ATP6V1B1: variants seen among roughly 807,000 people sequenced by gnomAD.
ATP6V1B1 encodes ATPase H+ transporting V1 subunit B1, also known as V-type proton ATPase subunit B, kidney isoform.
ATP6V1B1 carries 41 observed loss-of-function variants against 62.1 expected under a neutral mutation model. The ratio of observed to expected loss-of-function variants is 0.66; its 90% CI spans 0.51 to 0.86. The LOEUF is 0.86. Among genes scored for constraint, ATP6V1B1 ranks in the 40% least tolerant of loss-of-function variants. The pLI is 0.00. For missense variants in ATP6V1B1, 651 were observed against 697.5 expected (o/e 0.93, Z 0.75); for synonymous variants, 253 against 273.4 (o/e 0.93, Z 0.74).
At chr2:70,941,919 C>T in intron 1 of ATP6V1B1, 1 of 990,812 alleles carries the variant, frequency 1.0e-6, no homozygotes, top group Non-Finnish European at 1.2e-6. Flanking sequence ...GCCACTGAAG[C>T]CAGAGTGGAG....
rs782554600 is a variant in ATP6V1B1 at position 70,964,522 on chromosome 2, G to C, written c.1228G>C (p.Gly410Arg). ...IGEGMTRKDH[G>R]DVSNQLYACY... ...GGAAGGCATGACAAGAAAGGACCATGGAGATGTCTCCAACCAGCTGGTAAG... is the reference window on the plus strand; with the variant it reads ...GGAAGGCATGACAAGAAAGGACCATCGAGATGTCTCCAACCAGCTGGTAAG... Residue 410 changes from glycine to arginine, a missense_variant, in exon 12 of 14, where the codon GGA (glycine) becomes CGA (arginine). Gly to Arg is a moderately radical substitution (Grantham distance 125, BLOSUM62 -2). Transcript: ENST00000234396. 2.6e-5 allele frequency: 42 copies of C among 1,614,074 alleles called. No homozygotes were observed. Among genetic ancestry groups the C allele is most frequent in the Admixed American group, 3.3e-5 (2 of 60,010 alleles).
rs914046237 is a variant in ATP6V1B1, at chr2:70,961,521, G to T, written c.688-75G>T. 3.3e-5 allele frequency: 49 copies of T among 1,474,360 alleles called. No individual in the cohort carries two copies. The African/African-American group carries it at 5.8e-4, about 18-fold the overall frequency. 91.3% of individuals were successfully genotyped at this position (1,474,360 alleles called of 1,614,324 possible). A position where few individuals can be genotyped will look rare whatever the true frequency, so the allele number is the denominator to read the frequency against. ...CTGGTCAGTCCACAGGCTTTCCTGA[G>T]GACACCTGGGAGGGGCCAGGCCTTG... On this transcript the variant is annotated intron_variant, in intron 7 of 13. Transcript: ENST00000234396.
intron 1 of ATP6V1B1, chr2:70,938,538 G>A (rs782337005): frequency 4.1e-6 from 4 of 985,108 alleles, no homozygotes; most frequent in Non-Finnish European, 4.8e-6. Context: ...TCCCCCGGGG[G>A]AGGTGGGCTA....
chr2:70,958,042 C>T lies in ATP6V1B1; in HGVS notation c.175-4C>T, dbSNP rs782511029. 4 of 1,613,494 alleles carry T rather than the reference C, an allele frequency of 2.5e-6. No individual in the cohort carries two copies. Among genetic ancestry groups the T allele is most frequent in the Middle Eastern group, 1.7e-4 (1 of 6,058 alleles). ...GTCACGTGGCTGCTCTCCCCTCCTG[C>T]CAGTTTGCCCAGTATGCGGAGATCG... On this transcript the variant is annotated splice_polypyrimidine_tract_variant and splice_region_variant and intron_variant, in intron 2 of 13. Transcript: ENST00000234396.
At chr2:70,964,906 C>T (rs782367895) in intron 13 of ATP6V1B1, 41 bp downstream of exon 13, 17 of 1,613,916 alleles carry the variant, frequency 1.1e-5, no homozygotes, top group Non-Finnish European at 1.4e-5. Context: ...ACCTCTTCAC[C>T]CTCCTTCCGC....
intron 11 of ATP6V1B1, chr2:70,964,114 ATTTTTTTTTTTT>A: frequency 8.1e-6 from 1 of 123,588 alleles, no homozygotes; most frequent in Non-Finnish European, 1.3e-5. Context: ...CTTGGCAGGT[ATTTTTTTTTTTT>A]TTTTTTTTTT....
In ATP6V1B1 at chr2:70,963,776, C is replaced by G. The variant is rs528175444; in HGVS notation, c.1143+122C>G. On this transcript the variant is annotated intron_variant, in intron 11 of 13. Transcript: ENST00000234396. The surrounding 1 kb of genome is among the most constrained non-coding windows in gnomAD (Gnocchi z 4.3). ...GCCAAAGCGAACCCCAAACAGGAGA[C>G]AGCCACAGGGAAGACTGCATGGTTC... 9.5e-7 allele frequency: 1 copy of G among 1,050,474 alleles called. No individual in the cohort carries two copies. Among genetic ancestry groups the G allele is most frequent in the South Asian group, 1.3e-5 (1 of 74,906 alleles). 65.1% of individuals were successfully genotyped at this position (1,050,474 alleles called of 1,614,324 possible). A position where few individuals can be genotyped will look rare whatever the true frequency, so the allele number is the denominator to read the frequency against.
At chr2:70,952,786 G>A (rs998654603) in intron 2 of ATP6V1B1, among the ~76,000 whole-genome samples, 43 of 152,068 alleles carry the variant, frequency 2.8e-4, no homozygotes, top group Non-Finnish European at 5.0e-4. Flanking sequence ...TTGGGAATTG[G>A]GGGCTTTCTA....
intron 2 of ATP6V1B1, among the ~76,000 whole-genome samples, chr2:70,945,226 C>T (rs13400501): frequency 9.9e-5 from 15 of 152,188 alleles, no homozygotes; most frequent in Non-Finnish European, 1.9e-4. Flanking sequence ...TTTTGAGATA[C>T]CTGCAACGAC....
intron 1 of ATP6V1B1, chr2:70,942,120 C>A: frequency 1.1e-6 from 1 of 880,026 alleles, no homozygotes; most frequent in Non-Finnish European, 1.5e-6. Flanking sequence ...GGTCCTTCAC[C>A]CCATGGAGTC....
intron 4 of ATP6V1B1, 120 bp from the exon 5 acceptor site, chr2:70,958,898 G>T: frequency 1.1e-6 from 1 of 937,610 alleles, no homozygotes; most frequent in South Asian, 1.4e-5. Context: ...TGCCGGGGAG[G>T]GGGATACAGG....
At chr2:70,948,917 C>T (rs1402091426) in intron 2 of ATP6V1B1, among the ~76,000 whole-genome samples, 2 of 152,162 alleles carry the variant, frequency 1.3e-5, no homozygotes, top group Admixed American at 1.3e-4. Context: ...GAATTGGACC[C>T]TCCGCCCCAA....
intron 2 of ATP6V1B1, among the ~76,000 whole-genome samples, chr2:70,944,727 G>GGC (rs1416702083): frequency 6.8e-6 from 1 of 146,996 alleles, no homozygotes; most frequent in East Asian, 2.1e-4. Flanking sequence ...GGAGTGCAGT[G>GGC]GCGCAATCTC....
In ATP6V1B1 at chr2:70,938,574, T is replaced by C. The variant is rs1679913283; in HGVS notation, c.118+2502T>C. On this transcript the variant is annotated intron_variant, in intron 1 of 13. Coordinates refer to ENST00000234396, the MANE Select transcript of ATP6V1B1 (RefSeq NM_001692.4). ...AAGAGGCCTGAGACTTTAAGGCTGATTTCACTGCAGTGGCTGAGAGAGGAT... is the reference window on the plus strand; with the variant it reads ...AAGAGGCCTGAGACTTTAAGGCTGACTTCACTGCAGTGGCTGAGAGAGGAT... 8.1e-6 allele frequency: 8 copies of C among 985,106 alleles called. No individual in the cohort carries two copies. In the South Asian group the frequency reaches 1.4e-4, roughly 17 times the overall value. The allele number at this position is 985,106 out of a possible 1,614,324, so 61.0% of individuals were successfully genotyped here. A position where few individuals can be genotyped will look rare whatever the true frequency, so the allele number is the denominator to read the frequency against.
At chr2:70,937,238 C>T (rs1679876502) in intron 1 of ATP6V1B1, among the ~76,000 whole-genome samples, 1 of 152,146 alleles carries the variant, frequency 6.6e-6, no homozygotes, top group Non-Finnish European at 1.5e-5. Flanking sequence ...CACCCCACCT[C>T]CCTCTGTTCC....
intron 1 of ATP6V1B1, among the ~76,000 whole-genome samples, chr2:70,937,047 C>T (rs1679870652): frequency 6.6e-6 from 1 of 151,690 alleles, no homozygotes; most frequent in African/African-American, 2.4e-5. Context: ...TGGAGTAAAC[C>T]AGCATGGCCC....
At chr2:70,964,223 A>T (rs1168073467) in intron 11 of ATP6V1B1, 3 of 569,372 alleles carry the variant, frequency 5.3e-6, no homozygotes, top group African/African-American at 4.0e-5. Context: ...AACTAATGCC[A>T]TGTCATCTTC....
At chr2:70,964,155 G>T in intron 11 of ATP6V1B1, 2 of 226,810 alleles carry the variant, frequency 8.8e-6, no homozygotes, top group Non-Finnish European at 7.5e-6. Flanking sequence ...TAACCATTAA[G>T]CTTCAAAGTG....
chr2:70,962,457 G>A (rs782127902), intron 8 of ATP6V1B1, among the ~76,000 whole-genome samples: 4 of 152,106 alleles, frequency 2.6e-5, no homozygotes, highest in Non-Finnish European at 5.9e-5. Flanking sequence ...CTTCCCCTTC[G>A]GTCCACAGGG....
Sources: allele counts gnomAD v4.1 joint callset (sites outside exome capture counted in the v4.1 genomes callset), GRCh38; gene constraint gnomAD v4.1.1; non-coding constraint Gnocchi (gnomAD v3.1); transcripts MANE v1.5; gene names NCBI Gene and HGNC (gene_info 2026-07-23, HGNC 2026-07-21).